The following SYT2 variants were observed in gnomAD, a reference collection of about 807,000 sequenced individuals.
The protein encoded by SYT2 is synaptotagmin-2.
Under a neutral mutation model 39.9 loss-of-function variants are expected in SYT2, and 15 were observed. The ratio of observed to expected loss-of-function variants is 0.38; its 90% CI spans 0.25 to 0.58. The LOEUF is 0.58. Ranked by LOEUF, SYT2 falls within the 20% of genes least tolerant of loss-of-function variation. The probability of loss-of-function intolerance (pLI) is 0.70; values close to 1 mark genes in which losing one functional copy is unlikely to be tolerated. For synonymous variants in SYT2, 181 were observed against 204.5 expected (o/e 0.89, Z 0.98); for missense variants, 389 against 530.3 (o/e 0.73, Z 2.62).
chr1:202,634,763 G>A (rs1339447645), intron 1 of SYT2, among the ~76,000 whole-genome samples: 11 of 152,218 alleles, frequency 7.2e-5, no homozygotes, highest in Non-Finnish European at 1.3e-4. Context: ...TTATGTGAGT[G>A]AAGGAAGCCA....
intron 1 of SYT2, among the ~76,000 whole-genome samples, chr1:202,669,792 T>A: frequency 6.6e-6 from 1 of 150,408 alleles, no homozygotes; most frequent in Non-Finnish European, 1.5e-5. Flanking sequence ...ACAATTCTTA[T>A]CTTTAATAGA....
chr1:202,673,114 AG>A (rs1389078823), intron 1 of SYT2, among the ~76,000 whole-genome samples: 4 of 152,162 alleles, frequency 2.6e-5, no homozygotes, highest in Admixed American at 6.5e-5. Flanking sequence ...TGGTGTTATA[AG>A]AAAATCTTGG....
At chr1:202,652,992 C>T (rs1332816992) in intron 1 of SYT2, among the ~76,000 whole-genome samples, 2 of 150,290 alleles carry the variant, frequency 1.3e-5, no homozygotes, top group Non-Finnish European at 3.0e-5. Context: ...TCCTCCTAAC[C>T]TAGCCTTGCC....
intron 1 of SYT2, among the ~76,000 whole-genome samples, chr1:202,668,941 C>T (rs952077891): frequency 6.6e-6 from 1 of 152,184 alleles, no homozygotes; most frequent in Non-Finnish European, 1.5e-5. Flanking sequence ...AAATGACTGG[C>T]TGAGTAGGAG....
chr1:202,691,732 G>GGA (rs1164044356), intron 1 of SYT2, among the ~76,000 whole-genome samples: 30 of 8,318 alleles, frequency 3.6e-3, no homozygotes, highest in East Asian at 5.0e-3. Flanking sequence ...GGAGAGGGGG[G>GGA]GAGAGAGAGA....
At position 202,592,374 on chromosome 1, in the gene SYT2, G is replaced by A. The variant is rs1260054494; in HGVS notation, c.*4383C>T. On this transcript the variant is annotated 3_prime_UTR_variant, in exon 9 of 9. Coordinates refer to ENST00000367268, the MANE Select transcript of SYT2 (RefSeq NM_177402.5). ...CTCCCGCCCACTGATGACTCCCATG[G>A]GGGGTTTCCCGATGGGAGGAGGCAG... is the stretch of plus-strand genomic sequence containing the variant. 1 of 152,684 alleles carries A rather than the reference G, an allele frequency of 6.5e-6. No homozygotes were observed. Among genetic ancestry groups the A allele is most frequent in the Non-Finnish European group, 1.5e-5 (1 of 68,062 alleles). The allele number at this position is 152,684 out of a possible 1,614,324, so 9.5% of individuals were successfully genotyped here.
intron 1 of SYT2, among the ~76,000 whole-genome samples, chr1:202,661,614 T>C (rs1692383084): frequency 6.6e-6 from 1 of 150,942 alleles, no homozygotes. Flanking sequence ...GTGGCCTCAA[T>C]TTTTCATGCC....
In SYT2 at chr1:202,591,057, G is replaced by A. The variant is rs748700967; in HGVS notation, c.*5700C>T. 6.6e-6 allele frequency: 1 copy of A among 152,310 alleles called. No homozygotes were observed. The highest frequency in any genetic ancestry group is 1.5e-5 in the Non-Finnish European group (1 of 68,144). 9.4% of individuals were successfully genotyped at this position (152,310 alleles called of 1,614,324 possible). ...TCAATTTGTCTCTGCTGTGGGTGTG[G>A]AGAGTGGGAGGGCCCCAGAGAGAGC... On this transcript the variant is annotated 3_prime_UTR_variant, in exon 9 of 9. Coordinates refer to ENST00000367268, the MANE Select transcript of SYT2 (RefSeq NM_177402.5).
intron 3 of SYT2, among the ~76,000 whole-genome samples, chr1:202,603,702 C>A (rs1157229772): frequency 6.6e-6 from 1 of 152,196 alleles, no homozygotes; most frequent in Non-Finnish European, 1.5e-5. Flanking sequence ...AACACACTCT[C>A]ACACTCACAC....
intron 1 of SYT2, among the ~76,000 whole-genome samples, chr1:202,655,543 T>G (rs576920369): frequency 6.6e-6 from 1 of 152,178 alleles, no homozygotes. Flanking sequence ...TGGGTCTTTA[T>G]GTGCCCAACC....
At chr1:202,652,022 T>C (rs1692204300) in intron 1 of SYT2, among the ~76,000 whole-genome samples, 3 of 152,236 alleles carry the variant, frequency 2.0e-5, no homozygotes, top group Admixed American at 6.5e-5. Context: ...CCCGCCCCTG[T>C]ACTCCAGCCT....
chr1:202,635,017 G>A (rs1029026263), intron 1 of SYT2, among the ~76,000 whole-genome samples: 1 of 152,128 alleles, frequency 6.6e-6, no homozygotes, highest in Non-Finnish European at 1.5e-5. Context: ...GCTTAAATGG[G>A]TGAATTGTAT....
chr1:202,650,946 G>A (rs1331312833), intron 1 of SYT2, among the ~76,000 whole-genome samples: 1 of 152,104 alleles, frequency 6.6e-6, no homozygotes, highest in Non-Finnish European at 1.5e-5. Context: ...AGGACGCTGG[G>A]CATGCCGCCT....
chr1:202,667,243 G>A (rs1692495450), intron 1 of SYT2, among the ~76,000 whole-genome samples: 1 of 152,142 alleles, frequency 6.6e-6, no homozygotes, highest in Non-Finnish European at 1.5e-5. Context: ...CCAGAATCTG[G>A]GGCCTTCTAT....
At chr1:202,613,066 TCC>T (rs1491066632) in intron 1 of SYT2, among the ~76,000 whole-genome samples, 32 of 97,716 alleles carry the variant, frequency 3.3e-4, no homozygotes, top group African/African-American at 1.0e-3. Flanking sequence ...CATTGGTTCT[TCC>T]TTTTTTTTTT....
chr1:202,686,966 G>A (rs1367953024), intron 1 of SYT2, among the ~76,000 whole-genome samples: 1 of 152,008 alleles, frequency 6.6e-6, no homozygotes, highest in Non-Finnish European at 1.5e-5. Flanking sequence ...ATTCCCTTGG[G>A]CGGACCTGAC....
At chr1:202,615,581 A>G (rs531378662) in intron 1 of SYT2, among the ~76,000 whole-genome samples, 1 of 152,242 alleles carries the variant, frequency 6.6e-6, no homozygotes, top group Admixed American at 6.5e-5. Context: ...AGCCAGACTG[A>G]TCTATTTAAA....
intron 1 of SYT2, among the ~76,000 whole-genome samples, chr1:202,670,255 G>A (rs1184867881): frequency 6.6e-6 from 1 of 152,194 alleles, no homozygotes; most frequent in Admixed American, 6.5e-5. Flanking sequence ...AGACAGAGAA[G>A]GAACTGAGAA....
chr1:202,703,477 C>T (rs1400784604), intron 1 of SYT2, among the ~76,000 whole-genome samples: 1 of 152,148 alleles, frequency 6.6e-6, no homozygotes, highest in Non-Finnish European at 1.5e-5. Flanking sequence ...CACACTACTG[C>T]AGGTGGTTAC....
Sources: gnomAD v4.1 joint callset for allele counts (sites outside exome capture counted in the v4.1 genomes callset) on GRCh38, gnomAD v4.1.1 for gene constraint, MANE v1.5 for transcripts, NCBI Gene and HGNC (gene_info 2026-07-23, HGNC 2026-07-21) for gene names.